The following VSTM4 variants were observed in gnomAD, a reference collection of about 807,000 sequenced individuals.
The protein encoded by VSTM4 is V-set and transmembrane domain containing 4.
Under a neutral mutation model 36.4 loss-of-function variants are expected in VSTM4, and 20 were observed. The ratio of observed to expected loss-of-function variants is 0.55; its 90% CI spans 0.39 to 0.80. VSTM4 has a LOEUF of 0.80. VSTM4 is among the 30% of genes least tolerant of loss of function. The pLI, the probability that VSTM4 is intolerant of heterozygous loss-of-function variation, is 0.00. For synonymous variants in VSTM4, 182 were observed against 173.9 expected (o/e 1.05, Z -0.37); for missense variants, 392 against 404.5 (o/e 0.97, Z 0.26).
At chr10:49,062,120 T>A (rs1192968171) in intron 5 of VSTM4, among the ~76,000 whole-genome samples, 1 of 152,234 alleles carries the variant, frequency 6.6e-6, no homozygotes, top group Non-Finnish European at 1.5e-5. Context: ...ACTTTTGACT[T>A]CTATTTAGGT....
chr10:49,087,022 C>T (rs1844382604), intron 2 of VSTM4, among the ~76,000 whole-genome samples: 1 of 152,192 alleles, frequency 6.6e-6, no homozygotes, highest in Non-Finnish European at 1.5e-5. Flanking sequence ...TTTACTGCCT[C>T]TCCCACAAAC....
intron 5 of VSTM4, among the ~76,000 whole-genome samples, chr10:49,048,968 ATTAT>A (rs1843657018): frequency 6.6e-6 from 1 of 152,214 alleles, no homozygotes. Flanking sequence ...CCAGTGGGGT[ATTAT>A]TTATGCCACT....
At position 49,085,981 on chromosome 10, in the gene VSTM4, G is replaced by T. The variant is rs772135777; in HGVS notation, c.500C>A (p.Thr167Lys). ...TTCAAAAAATGCCCAAGTCTCTTTTGTTTTCTCAAAGGATGACTCTTCAGA... is the reference window on the plus strand; with the variant it reads ...TTCAAAAAATGCCCAAGTCTCTTTTTTTTTCTCAAAGGATGACTCTTCAGA... ...KASEESSFEK[T>K]KETWAFFEDL... Residue 167 changes from threonine (T) to lysine (K), a missense_variant, in exon 3 of 8, where the codon ACA (threonine) becomes AAA (lysine). Coordinates refer to ENST00000332853, the MANE Select transcript of VSTM4 (RefSeq NM_001031746.5). 1.6e-5 allele frequency: 26 copies of T among 1,595,770 alleles called. No homozygotes were observed. In the South Asian group the frequency reaches 2.9e-4, roughly 18 times the overall value.
chr10:49,103,988 T>G, intron 2 of VSTM4: 1 of 735,436 alleles, frequency 1.4e-6, no homozygotes, highest in Non-Finnish European at 2.2e-6. Flanking sequence ...CCACAGAACT[T>G]CTCATCCTTG....
intron 7 of VSTM4, among the ~76,000 whole-genome samples, chr10:49,030,683 T>C (rs750782407): frequency 1.3e-5 from 2 of 152,194 alleles, no homozygotes; most frequent in African/African-American, 4.8e-5. Flanking sequence ...GTACACAGGA[T>C]GTTCAGCAAA....
At chr10:49,095,711 C>A (rs141206929) in intron 2 of VSTM4, among the ~76,000 whole-genome samples, 54 of 152,246 alleles carry the variant, frequency 3.5e-4, no homozygotes, top group African/African-American at 1.3e-3. Context: ...TCCCTTACTC[C>A]CATGTCAGCC....
chr10:49,073,297 A>G (rs1649320311), intron 4 of VSTM4, among the ~76,000 whole-genome samples: 1 of 152,166 alleles, frequency 6.6e-6, no homozygotes, highest in Non-Finnish European at 1.5e-5. Context: ...AGTGGTGCCA[A>G]GGCTCTGGGA....
chr10:49,103,171 A>G (rs1170043434), intron 2 of VSTM4: 1 of 152,330 alleles, frequency 6.6e-6, no homozygotes, highest in East Asian at 1.9e-4. Context: ...TTTATTGACA[A>G]AGATTTACAG....
At chr10:49,100,467 A>G (rs1844646922) in intron 2 of VSTM4, among the ~76,000 whole-genome samples, 1 of 152,232 alleles carries the variant, frequency 6.6e-6, no homozygotes, top group Non-Finnish European at 1.5e-5. Flanking sequence ...CTTCACATAC[A>G]TGTGTCTGCA....
chr10:49,093,949 A>G (rs1011660128), intron 2 of VSTM4, among the ~76,000 whole-genome samples: 2 of 151,844 alleles, frequency 1.3e-5, no homozygotes, highest in Admixed American at 6.6e-5. Flanking sequence ...GGGTTTCACC[A>G]TGTTAGCCAG....
intron 3 of VSTM4, 96 bp from the exon 4 acceptor site, chr10:49,077,422 C>T: frequency 8.9e-7 from 1 of 1,125,052 alleles, no homozygotes; most frequent in East Asian, 2.5e-5. Flanking sequence ...ATTTGAAATC[C>T]CAGTGCTACA....
intron 5 of VSTM4, among the ~76,000 whole-genome samples, chr10:49,049,598 A>G (rs1843666840): frequency 6.6e-6 from 1 of 152,216 alleles, no homozygotes; most frequent in Non-Finnish European, 1.5e-5. Flanking sequence ...TAATACATAC[A>G]GAATTTCTAG....
chr10:49,092,299 G>A lies in VSTM4; in HGVS notation c.458-6276C>T, dbSNP rs910156666. 5.9e-5 allele frequency among the ~76,000 whole-genome samples: 9 copies of A among 152,122 alleles called. 1 individual carries two copies. Among genetic ancestry groups the A allele is most frequent in the Non-Finnish European group, 1.2e-4 (8 of 68,024 alleles). On this transcript the variant is annotated intron_variant, in intron 2 of 7. Coordinates refer to ENST00000332853, the MANE Select transcript of VSTM4 (RefSeq NM_001031746.5). ...CAGGAAATTCTGAGGCTCCAGGCCC[G>A]AGGACCCTACTTGGAGAGTCTCTGT...
At chr10:49,049,585 C>T (rs1360709137) in intron 5 of VSTM4, among the ~76,000 whole-genome samples, 6 of 152,014 alleles carry the variant, frequency 3.9e-5, no homozygotes, top group South Asian at 2.1e-4. Context: ...GAGGCTATCT[C>T]GCTAATACAT....
intron 2 of VSTM4, among the ~76,000 whole-genome samples, chr10:49,099,367 T>C (rs1308144012): frequency 6.6e-6 from 1 of 152,256 alleles, no homozygotes; most frequent in Admixed American, 6.5e-5. Flanking sequence ...TTGAATTTCA[T>C]TTTGTTATTT....
Position 49,017,910 on chromosome 10 carries a change from G to A in VSTM4, c.*1740C>T, listed in dbSNP as rs1003706413. 6.6e-6 allele frequency: 1 copy of A among 152,192 alleles called. No homozygotes were observed. The highest frequency in any genetic ancestry group is 1.5e-5 in the Non-Finnish European group (1 of 68,040). The allele number at this position is 152,192 out of a possible 1,614,324, so 9.4% of individuals were successfully genotyped here. A position where few individuals can be genotyped will look rare whatever the true frequency, so the allele number is the denominator to read the frequency against. Reference sequence around the variant, plus strand: ...CTCCCCTCCCAAAGAGATGCTCAAAGAAGTTCTAGTGAGTTCTTCCAAATG... The same window carrying A: ...CTCCCCTCCCAAAGAGATGCTCAAAAAAGTTCTAGTGAGTTCTTCCAAATG... On this transcript the variant is annotated 3_prime_UTR_variant, in exon 8 of 8. Transcript: ENST00000332853.
chr10:49,097,456 A>C (rs1268761081), intron 2 of VSTM4, among the ~76,000 whole-genome samples: 4 of 152,168 alleles, frequency 2.6e-5, no homozygotes, highest in Non-Finnish European at 4.4e-5. Context: ...AAGGTAAAAA[A>C]AAAGGACAGA....
At chr10:49,114,753 CCAGA>C (rs1311030301) in intron 1 of VSTM4, among the ~76,000 whole-genome samples, 2 of 152,110 alleles carry the variant, frequency 1.3e-5, no homozygotes, top group Admixed American at 6.5e-5. Context: ...CCTGAGGCAG[CCAGA>C]CAGAGTTCTG....
Position 49,019,752 on chromosome 10 carries a change from TAA to T in VSTM4, c.859_860del (p.Leu287AsnfsTer50), listed in dbSNP as rs748898722. 5.6e-6 allele frequency: 9 copies of T among 1,612,958 alleles called. No individual in the cohort carries two copies. The highest frequency in any genetic ancestry group is 6.8e-6 in the Non-Finnish European group (8 of 1,179,618). The part of the protein sequence containing the change: ...VTLPKIAEEN[L>X]TYAELELIKP... Reference sequence around the variant, plus strand: ...TGATCAGCTCCAGTTCGGCATAGGTTAAGTTTTCCTCAGCAATCTTTGGCTAT... The same window carrying T: ...TGATCAGCTCCAGTTCGGCATAGGTTGTTTTCCTCAGCAATCTTTGGCTAT... On this transcript the variant is annotated frameshift_variant, in exon 8 of 8. Coordinates refer to ENST00000332853, the MANE Select transcript of VSTM4 (RefSeq NM_001031746.5). LOFTEE classifies it high-confidence loss of function.
Sources: gnomAD v4.1 joint callset for allele counts (sites outside exome capture counted in the v4.1 genomes callset) on GRCh38, gnomAD v4.1.1 for gene constraint, MANE v1.5 for transcripts, NCBI Gene and HGNC (gene_info 2026-07-23, HGNC 2026-07-21) for gene names.